RASA1: variants seen among roughly 807,000 people sequenced by gnomAD.
RASA1 encodes ras GTPase-activating protein 1.
RASA1 carries 25 observed loss-of-function variants against 132.2 expected under a neutral mutation model. That is an observed-to-expected ratio of 0.19 (90% CI 0.14 to 0.26). The LOEUF (loss-of-function observed/expected upper bound fraction) is 0.26. RASA1 is among the 10% of genes least tolerant of loss of function. RASA1 has a pLI of 1.00. For synonymous variants in RASA1, 477 were observed against 449.9 expected (o/e 1.06, Z -0.76); for missense variants, 964 against 1,299.2 (o/e 0.74, Z 3.97).
At chr5:87,302,579 C>G (rs1755413805) in intron 1 of RASA1, among the ~76,000 whole-genome samples, 1 of 149,942 alleles carries the variant, frequency 6.7e-6, no homozygotes, top group South Asian at 2.1e-4. Flanking sequence ...GCATAGTATT[C>G]TATATACTAT....
chr5:87,354,625 G>A (rs999532215), intron 9 of RASA1, among the ~76,000 whole-genome samples: 1 of 152,096 alleles, frequency 6.6e-6, no homozygotes, highest in Non-Finnish European at 1.5e-5. Context: ...TAACCCTACA[G>A]TGGCCTCTAA....
At chr5:87,303,101 T>C (rs1375421573) in intron 1 of RASA1, among the ~76,000 whole-genome samples, 1 of 152,212 alleles carries the variant, frequency 6.6e-6, no homozygotes, top group African/African-American at 2.4e-5. Context: ...GTTTGTTACA[T>C]CTCACTTCTG....
intron 1 of RASA1, among the ~76,000 whole-genome samples, chr5:87,285,579 AC>A (rs1314844095): frequency 6.8e-6 from 1 of 147,540 alleles, no homozygotes; most frequent in Non-Finnish European, 1.5e-5. Context: ...TTATTTAAAA[AC>A]TTTTTTTTAA....
intron 4 of RASA1, among the ~76,000 whole-genome samples, chr5:87,335,655 A>C (rs1448062560): frequency 6.6e-6 from 1 of 151,886 alleles, no homozygotes; most frequent in Non-Finnish European, 1.5e-5. Flanking sequence ...TGAACTACTG[A>C]CCTCGGGTGA....
At chr5:87,360,750 A>G (rs749787035) in intron 9 of RASA1, among the ~76,000 whole-genome samples, 8 of 152,310 alleles carry the variant, frequency 5.3e-5, no homozygotes, top group Non-Finnish European at 1.0e-4. Flanking sequence ...CAAGTATATC[A>G]TCATCTGAAA....
At chr5:87,295,047 C>G (rs1398929893) in intron 1 of RASA1, among the ~76,000 whole-genome samples, 3 of 151,944 alleles carry the variant, frequency 2.0e-5, no homozygotes, top group Non-Finnish European at 4.4e-5. Context: ...TATTAAGGAT[C>G]ATTGGGTCTT....
chr5:87,278,715 T>G (rs796219185), intron 1 of RASA1, among the ~76,000 whole-genome samples: 7 of 152,238 alleles, frequency 4.6e-5, no homozygotes, highest in African/African-American at 1.7e-4. Flanking sequence ...TATTCATTTG[T>G]GTGTGTGCAT....
chr5:87,338,536 A>ATATATATATATATATATATATTT, intron 5 of RASA1, among the ~76,000 whole-genome samples: 10 of 85,212 alleles, frequency 1.2e-4, no homozygotes, highest in South Asian at 3.9e-4. Flanking sequence ...TATATATAAA[A>ATATATATATATATATATATATTT]TTTTTTTTTT....
chr5:87,366,372 G>A (rs1293100728), intron 11 of RASA1: 1 of 431,396 alleles, frequency 2.3e-6, no homozygotes, highest in Non-Finnish European at 4.7e-6. Context: ...TTGGAAGTCT[G>A]TTGGCACAAT....
chr5:87,386,322 G>A (rs1472244543), intron 22 of RASA1, among the ~76,000 whole-genome samples: 1 of 152,050 alleles, frequency 6.6e-6, no homozygotes, highest in African/African-American at 2.4e-5. Context: ...ACGATGAGCA[G>A]TTAACTACGT....
intron 20 of RASA1, among the ~76,000 whole-genome samples, chr5:87,382,525 A>C (rs1761791299): frequency 6.6e-6 from 1 of 152,180 alleles, no homozygotes; most frequent in African/African-American, 2.4e-5. Flanking sequence ...TTGTCTTTAC[A>C]TGGGGCAAGT....
Position 87,378,521 on chromosome 5 carries a change from A to T in RASA1, c.2470A>T (p.Ser824Cys), listed in dbSNP as rs151119180. Residue 824 changes from serine (S) to cysteine (C), a missense_variant, in exon 18 of 25, where the codon AGC (serine) becomes TGC (cysteine). Transcript: ENST00000274376. ...AGACTCTATTTTAAAGATAATGGAA[A>T]GCAAGCAGTCTTGTGAGGTAAGAAT... is the stretch of plus-strand genomic sequence containing the variant. ...LKDSILKIMESKQSCELSPSK... is the reference protein window; with the variant it reads ...LKDSILKIMECKQSCELSPSK... 54 of 1,610,902 alleles carry T rather than the reference A, an allele frequency of 3.4e-5. No individual in the cohort carries two copies. The African/African-American group carries it at 5.9e-4, about 18-fold the overall frequency.
chr5:87,306,859 G>T (rs1012450322), intron 1 of RASA1, among the ~76,000 whole-genome samples: 6 of 151,598 alleles, frequency 4.0e-5, no homozygotes, highest in Non-Finnish European at 7.4e-5. Context: ...CGTACCCTCC[G>T]CCACCTCCCC....
At chr5:87,370,033 G>A in intron 12 of RASA1, 133 bp downstream of exon 12, 8 of 801,992 alleles carry the variant, frequency 1.0e-5, no homozygotes, top group South Asian at 8.7e-5. Flanking sequence ...CTTATTTTAA[G>A]GAATGAGATT....
intron 1 of RASA1, among the ~76,000 whole-genome samples, chr5:87,321,643 G>A (rs1398424259): frequency 6.6e-6 from 1 of 152,254 alleles, no homozygotes; most frequent in African/African-American, 2.4e-5. Flanking sequence ...CATAGGGCAA[G>A]GTCTGGAAGG....
At chr5:87,372,534 A>G (rs1252726143) in intron 13 of RASA1, among the ~76,000 whole-genome samples, 2 of 152,198 alleles carry the variant, frequency 1.3e-5, no homozygotes, top group Non-Finnish European at 2.9e-5. Context: ...CATCAGATTT[A>G]TAGCACTAAT....
chr5:87,292,367 C>CTTTTTTTT (rs76957126), intron 1 of RASA1, among the ~76,000 whole-genome samples: 20 of 120,232 alleles, frequency 1.7e-4, no homozygotes, highest in Non-Finnish European at 2.4e-4. Context: ...TGTTTACATT[C>CTTTTTTTT]TTTTTTTTTT....
chr5:87,389,382 T>C lies in RASA1; in HGVS notation c.2926-11T>C. The stretch of plus-strand genomic sequence containing the variant: ...TGTATTTCTAAATGCAATTTTACGA[T>C]TCCCTTAAAGAATGTACCTGAACTT... On this transcript the variant is annotated splice_polypyrimidine_tract_variant and intron_variant, in intron 23 of 24. Transcript: ENST00000274376. 6.2e-7 allele frequency: 1 copy of C among 1,613,880 alleles called. No homozygotes were observed. Among genetic ancestry groups the C allele is most frequent in the Non-Finnish European group, 8.5e-7 (1 of 1,179,808 alleles).
chr5:87,390,683 G>A, intron 24 of RASA1, 117 bp from the exon 25 acceptor site: 1 of 795,412 alleles, frequency 1.3e-6, no homozygotes, highest in East Asian at 2.6e-5. Flanking sequence ...GAGGGGAATT[G>A]TGGTAATATT....
Sources: gnomAD v4.1 joint callset for allele counts (sites outside exome capture counted in the v4.1 genomes callset) on GRCh38, gnomAD v4.1.1 for gene constraint, MANE v1.5 for transcripts, NCBI Gene and HGNC (gene_info 2026-07-23, HGNC 2026-07-21) for gene names.